Variants in RPS6KC1 observed in about 807,000 individuals in gnomAD.
RPS6KC1 encodes inactive ribosomal protein S6 kinase delta-1.
RPS6KC1 carries 54 observed loss-of-function variants against 103.8 expected under a neutral mutation model. The ratio of observed to expected loss-of-function variants is 0.52; its 90% CI spans 0.42 to 0.65. The LOEUF is 0.65. Ranked by LOEUF, RPS6KC1 falls within the 30% of genes least tolerant of loss-of-function variation. The probability of loss-of-function intolerance (pLI) is 0.00; values close to 1 mark genes in which losing one functional copy is unlikely to be tolerated. For synonymous variants in RPS6KC1, 439 were observed against 438.7 expected, an observed-to-expected ratio of 1.00 and a Z score of -0.01; for missense variants, 1,151 against 1,253.8, an observed-to-expected ratio of 0.92 and a Z score of 1.24.
At chr1:213,419,117 C>T in the RPS6KC1 span, among the ~76,000 whole-genome samples, 1 of 152,228 alleles carries the variant, frequency 6.6e-6, no homozygotes, top group Non-Finnish European at 1.5e-5. Context: ...GGCCTGACTG[C>T]CTCAGTGCAG....
chr1:213,072,988 T>A (rs1005855740), intron 2 of RPS6KC1: 1 of 789,222 alleles, frequency 1.3e-6, no homozygotes, highest in Non-Finnish European at 1.5e-6. Context: ...AAAACTCTTG[T>A]AAGTGTCTTT....
At chr1:213,600,092 T>C in the RPS6KC1 span, among the ~76,000 whole-genome samples, 3 of 152,218 alleles carry the variant, frequency 2.0e-5, no homozygotes, top group Non-Finnish European at 2.9e-5. Flanking sequence ...GGCATTTTTC[T>C]TGGCTCGCGC....
intron 8 of RPS6KC1, among the ~76,000 whole-genome samples, chr1:213,199,568 T>A (rs904331941): frequency 6.6e-6 from 1 of 152,186 alleles, no homozygotes; most frequent in African/African-American, 2.4e-5. Flanking sequence ...CTGGAAGCAT[T>A]TCCCTTGAAA....
At chr1:213,656,392 G>A in the RPS6KC1 span, among the ~76,000 whole-genome samples, 1 of 152,276 alleles carries the variant, frequency 6.6e-6, no homozygotes, top group South Asian at 2.1e-4. Context: ...CCTAAAACAG[G>A]ATGAAAAGAA....
At chr1:213,420,448 G>A in the RPS6KC1 span, among the ~76,000 whole-genome samples, 2 of 152,220 alleles carry the variant, frequency 1.3e-5, no homozygotes, top group African/African-American at 4.8e-5. Context: ...TGAAACAGCT[G>A]TCAGAACGGC....
the RPS6KC1 span, among the ~76,000 whole-genome samples, chr1:213,553,573 G>A: frequency 2.4e-4 from 37 of 152,270 alleles, no homozygotes; most frequent in Non-Finnish European, 5.0e-4. Flanking sequence ...AGTTCTTTGA[G>A]AAATTTCCAT....
intron 6 of RPS6KC1, among the ~76,000 whole-genome samples, chr1:213,151,093 C>T (rs542234853): frequency 9.3e-5 from 13 of 139,892 alleles, no homozygotes; most frequent in East Asian, 2.2e-4. Flanking sequence ...CCTCACCTCC[C>T]GGATGGGGGG....
At chr1:213,337,902 T>C in the RPS6KC1 span, among the ~76,000 whole-genome samples, 1 of 152,078 alleles carries the variant, frequency 6.6e-6, no homozygotes, top group Non-Finnish European at 1.5e-5. Context: ...TGTAGTAATA[T>C]AGGGTAGGGA....
the RPS6KC1 span, among the ~76,000 whole-genome samples, chr1:213,364,720 T>A: frequency 6.6e-6 from 1 of 152,028 alleles, no homozygotes; most frequent in Admixed American, 6.5e-5. Context: ...TTGGGAGGCC[T>A]AGGCGGGCGG....
the RPS6KC1 span, among the ~76,000 whole-genome samples, chr1:213,560,345 G>A: frequency 1.3e-5 from 2 of 152,136 alleles, no homozygotes; most frequent in Non-Finnish European, 2.9e-5. Context: ...TTAAAATATG[G>A]CAGAGATTTG....
chr1:213,433,325 T>C, the RPS6KC1 span, among the ~76,000 whole-genome samples: 1 of 152,264 alleles, frequency 6.6e-6, no homozygotes, highest in Non-Finnish European at 1.5e-5. Flanking sequence ...TAATCCAGGA[T>C]AATTTTCTCA....
the RPS6KC1 span, among the ~76,000 whole-genome samples, chr1:213,410,262 G>A: frequency 1.3e-5 from 2 of 152,152 alleles, no homozygotes; most frequent in African/African-American, 4.8e-5. Context: ...AGTGACGGAT[G>A]GAATGTGGCC....
the RPS6KC1 span, among the ~76,000 whole-genome samples, chr1:213,594,717 A>C: frequency 6.6e-6 from 1 of 152,208 alleles, no homozygotes; most frequent in Non-Finnish European, 1.5e-5. Flanking sequence ...TACACATGTA[A>C]TCTTCAAAAC....
chr1:213,526,529 C>T, the RPS6KC1 span, among the ~76,000 whole-genome samples: 3 of 151,990 alleles, frequency 2.0e-5, no homozygotes, highest in East Asian at 1.9e-4. Context: ...GCAAGTATAG[C>T]GGAGGGAGAT....
At chr1:213,509,873 G>A in the RPS6KC1 span, among the ~76,000 whole-genome samples, 2 of 152,154 alleles carry the variant, frequency 1.3e-5, no homozygotes, top group Admixed American at 6.5e-5. Context: ...GTCCATAGAT[G>A]TATCTCTTTT....
At chr1:213,064,253 C>G (rs964020758) in intron 1 of RPS6KC1, among the ~76,000 whole-genome samples, 7 of 152,070 alleles carry the variant, frequency 4.6e-5, no homozygotes, top group Admixed American at 1.3e-4. Flanking sequence ...GGCGGGGTTT[C>G]ACCATGTTGG....
chr1:213,434,644 C>T, the RPS6KC1 span, among the ~76,000 whole-genome samples: 1 of 152,108 alleles, frequency 6.6e-6, no homozygotes, highest in African/African-American at 2.4e-5. Context: ...TTATTAGAGA[C>T]AGCATTTTGC....
intron 6 of RPS6KC1, among the ~76,000 whole-genome samples, chr1:213,163,452 T>C (rs994969584): frequency 3.3e-5 from 5 of 152,242 alleles, no homozygotes; most frequent in Non-Finnish European, 7.3e-5. Flanking sequence ...ATACTCTTAA[T>C]AGCCCCTTAA....
intron 8 of RPS6KC1, among the ~76,000 whole-genome samples, chr1:213,186,551 T>C (rs2092540584): frequency 6.6e-6 from 1 of 152,158 alleles, no homozygotes; most frequent in African/African-American, 2.4e-5. Context: ...TATTATGCCT[T>C]GAGGTAGTCT....
Sources: allele counts gnomAD v4.1 joint callset (sites outside exome capture counted in the v4.1 genomes callset), GRCh38; gene constraint gnomAD v4.1.1; transcripts MANE v1.5; gene names NCBI Gene and HGNC (gene_info 2026-07-23, HGNC 2026-07-21).